The following DR1 variants were observed in gnomAD, a reference collection of about 807,000 sequenced individuals.
DR1 encodes protein Dr1.
DR1 carries 7 observed loss-of-function variants against 19.9 expected under a neutral mutation model. The ratio of observed to expected loss-of-function variants is 0.35; its 90% CI spans 0.20 to 0.66. The LOEUF (loss-of-function observed/expected upper bound fraction) is 0.66. Ranked by LOEUF, DR1 falls within the 30% of genes least tolerant of loss-of-function variation. DR1 has a pLI of 0.66. For synonymous variants in DR1, 76 were observed against 72.5 expected (o/e 1.05, Z -0.24); for missense variants, 98 against 203.7 (o/e 0.48, Z 3.16).
intron 1 of DR1, among the ~76,000 whole-genome samples, chr1:93,349,988 G>C (rs775492166): frequency 6.6e-6 from 1 of 152,166 alleles, no homozygotes; most frequent in Non-Finnish European, 1.5e-5. Context: ...ACCAGTCTCT[G>C]TTGGAAAGTG....
At chr1:93,356,087 CCTGT>C (rs1666977117) in intron 2 of DR1, among the ~76,000 whole-genome samples, 1 of 152,052 alleles carries the variant, frequency 6.6e-6, no homozygotes, top group Admixed American at 6.5e-5. Context: ...TGCCTGCTTA[CCTGT>C]CTTTCACACC....
Position 93,346,783 on chromosome 1 carries a change from C to T in DR1, c.138C>T (p.Phe46=), listed in dbSNP as rs999085956. ...TGGTGGTGAACTGCTGCACTGAATT[C>T]ATTCACCTTATATCTTCTGAAGCCA... ...RELVVNCCTE[F]IHLISSEANE... Residue 46 remains phenylalanine, a synonymous_variant, in exon 1 of 3, where the codon TTC becomes TTT. Transcript: ENST00000370272. 1.9e-6 allele frequency: 3 copies of T among 1,614,150 alleles called. No homozygotes were observed. The highest frequency in any genetic ancestry group is 1.7e-6 in the Non-Finnish European group (2 of 1,180,024).
rs1016080608 is a variant in DR1 at position 93,363,154 on chromosome 1, G to C, written c.*2515G>C. On this transcript the variant is annotated 3_prime_UTR_variant, in exon 3 of 3. Coordinates refer to ENST00000370272, the MANE Select transcript of DR1 (RefSeq NM_001938.3). Reference sequence around the variant, plus strand: ...TTCAGATCAAAACACAGAGCATTATGTGTACCCCAGAAGCCCTCCTCTTTC... The same window carrying C: ...TTCAGATCAAAACACAGAGCATTATCTGTACCCCAGAAGCCCTCCTCTTTC... The C allele has an allele frequency of 2.6e-5, 4 of 152,022 alleles. No homozygotes were observed. The highest frequency in any genetic ancestry group is 9.7e-5 in the African/African-American group (4 of 41,392). 9.4% of individuals were successfully genotyped at this position (152,022 alleles called of 1,614,324 possible).
chr1:93,363,330 C>T lies in DR1; in HGVS notation c.*2691C>T. ...ATCATTTTTGTGAATATTTTAGTTT[C>T]TTGTTGCCACTGTAACAAACTACCA... On this transcript the variant is annotated 3_prime_UTR_variant, in exon 3 of 3. Transcript: ENST00000370272. 1 of 152,168 alleles carries T rather than the reference C, an allele frequency of 6.6e-6. No individual in the cohort carries two copies. The highest frequency in any genetic ancestry group is 1.5e-5 in the Non-Finnish European group (1 of 68,012). 9.4% of individuals were successfully genotyped at this position (152,168 alleles called of 1,614,324 possible).
intron 1 of DR1, among the ~76,000 whole-genome samples, chr1:93,349,531 A>G (rs1292308793): frequency 6.6e-6 from 1 of 152,134 alleles, no homozygotes; most frequent in African/African-American, 2.4e-5. Context: ...TTATTTGTGT[A>G]CAAATAATAC....
At position 93,348,207 on chromosome 1, in the gene DR1, GT is replaced by G. The variant is rs535452331; in HGVS notation, c.220+1354del. Among the ~76,000 whole-genome samples the G allele has an allele frequency of 9.6e-4, 141 of 146,134 alleles. 2 individuals are homozygous for G. In the East Asian group the frequency reaches 0.012, roughly 12 times the overall value. ...TATTTGATTCTTAAAACTAGTACTA[GT>G]TTTTTTTTTTTCTACTTGTTTGGTG... On this transcript the variant is annotated intron_variant, in intron 1 of 2. Transcript: ENST00000370272.
Position 93,346,502 on chromosome 1 carries a change from T to C in DR1, c.-144T>C, listed in dbSNP as rs1666841399. The C allele has an allele frequency of 7.8e-6, 5 of 642,602 alleles. No individual in the cohort carries two copies. Among genetic ancestry groups the C allele is most frequent in the Non-Finnish European group, 1.4e-5 (5 of 368,764 alleles). 39.8% of individuals were successfully genotyped at this position (642,602 alleles called of 1,614,324 possible). A position where few individuals can be genotyped will look rare whatever the true frequency, so the allele number is the denominator to read the frequency against. On this transcript the variant is annotated 5_prime_UTR_variant, in exon 1 of 3. Transcript: ENST00000370272. ...TGTTCCCAGCCCTCAAGCCAGCTGC[T>C]CCTCCGTTCATTTTCTGCACCCTCT...
chr1:93,349,641 G>A (rs1312044617), intron 1 of DR1, among the ~76,000 whole-genome samples: 1 of 152,080 alleles, frequency 6.6e-6, no homozygotes, highest in East Asian at 1.9e-4. Flanking sequence ...GTAACTGAAA[G>A]TAGTAAAAGT....
rs1667093771 is a variant in DR1, at chr1:93,364,426, T to G, written c.*3787T>G. 1 of 152,232 alleles carries G rather than the reference T, an allele frequency of 6.6e-6. No individual in the cohort carries two copies. Among genetic ancestry groups the G allele is most frequent in the South Asian group, 2.1e-4 (1 of 4,830 alleles). 9.4% of individuals were successfully genotyped at this position (152,232 alleles called of 1,614,324 possible). On this transcript the variant is annotated 3_prime_UTR_variant, in exon 3 of 3. Transcript: ENST00000370272. ...GTTATAACCTCATTAAAATGCATGA[T>G]ATTTCCTTATATAGGTTTCTAAATT...
intron 1 of DR1, among the ~76,000 whole-genome samples, chr1:93,348,207 GTT>G (rs535452331): frequency 6.8e-6 from 1 of 146,112 alleles, no homozygotes; most frequent in Non-Finnish European, 1.5e-5. Context: ...ACTAGTACTA[GTT>G]TTTTTTTTTT....
intron 1 of DR1, among the ~76,000 whole-genome samples, chr1:93,350,416 T>C (rs578058450): frequency 2.4e-4 from 36 of 152,290 alleles, no homozygotes; most frequent in African/African-American, 8.4e-4. Context: ...AGTTGCTTCC[T>C]TCCCACAAAC....
intron 2 of DR1, among the ~76,000 whole-genome samples, chr1:93,359,060 A>G (rs1016306262): frequency 1.3e-5 from 2 of 152,218 alleles, no homozygotes; most frequent in African/African-American, 2.4e-5. Flanking sequence ...AAAAAAGACT[A>G]TAGAGAGGTT....
intron 2 of DR1, among the ~76,000 whole-genome samples, chr1:93,356,928 G>T (rs776068472): frequency 6.6e-6 from 1 of 152,018 alleles, no homozygotes; most frequent in African/African-American, 2.4e-5. Flanking sequence ...CATCCTGCTG[G>T]CCAGGCTAGT....
At position 93,361,305 on chromosome 1, in the gene DR1, T is replaced by C. The variant is rs1203441262; in HGVS notation, c.*666T>C. 3 of 152,614 alleles carry C rather than the reference T, an allele frequency of 2.0e-5. No individual in the cohort carries two copies. The highest frequency in any genetic ancestry group is 4.4e-5 in the Non-Finnish European group (3 of 67,998). The allele number at this position is 152,614 out of a possible 1,614,324, so 9.5% of individuals were successfully genotyped here. A position where few individuals can be genotyped will look rare whatever the true frequency, so the allele number is the denominator to read the frequency against. On this transcript the variant is annotated 3_prime_UTR_variant, in exon 3 of 3. Coordinates refer to ENST00000370272, the MANE Select transcript of DR1 (RefSeq NM_001938.3). ...GTAGAGGTAAAAACTATAGTTTTAT[T>C]ACAGCATAATTCATTTTGAGCTCCA...
intron 1 of DR1, among the ~76,000 whole-genome samples, chr1:93,353,041 C>T (rs922481847): frequency 6.6e-6 from 1 of 151,874 alleles, no homozygotes; most frequent in Non-Finnish European, 1.5e-5. Context: ...ACCATAGGCA[C>T]GACCCATCAC....
Position 93,345,982 on chromosome 1 carries a change from T to G in DR1, c.-664T>G, listed in dbSNP as rs868104414. On this transcript the variant is annotated 5_prime_UTR_variant, in exon 1 of 3. Transcript: ENST00000370272. ...GGACCACCGTTGCCGCGTCTTCGGC[T>G]TCCACGATCTGCGTTCGGGCTACGC... 6.5e-6 allele frequency: 1 copy of G among 154,508 alleles called. No individual in the cohort carries two copies. The highest frequency in any genetic ancestry group is 1.4e-5 in the Non-Finnish European group (1 of 69,060). 9.6% of individuals were successfully genotyped at this position (154,508 alleles called of 1,614,324 possible).
chr1:93,360,728 A>T lies in DR1; in HGVS notation c.*89A>T. 6.9e-7 allele frequency: 1 copy of T among 1,445,008 alleles called. No homozygotes were observed. Among genetic ancestry groups the T allele is most frequent in the Non-Finnish European group, 9.3e-7 (1 of 1,073,320 alleles). 89.5% of individuals were successfully genotyped at this position (1,445,008 alleles called of 1,614,324 possible). A position where few individuals can be genotyped will look rare whatever the true frequency, so the allele number is the denominator to read the frequency against. Reference sequence around the variant, plus strand: ...AAGAAATGCTTATCTGTAATTTTGTATGCATCTTGGTGGACTTGTCATTGG... The same window carrying T: ...AAGAAATGCTTATCTGTAATTTTGTTTGCATCTTGGTGGACTTGTCATTGG... On this transcript the variant is annotated 3_prime_UTR_variant, in exon 3 of 3. Coordinates refer to ENST00000370272, the MANE Select transcript of DR1 (RefSeq NM_001938.3).
chr1:93,357,879 A>G (rs1253132482), intron 2 of DR1, among the ~76,000 whole-genome samples: 1 of 152,152 alleles, frequency 6.6e-6, no homozygotes, highest in Non-Finnish European at 1.5e-5. Flanking sequence ...TGTAAGACAT[A>G]TGTGGTACTA....
rs749072694 is a variant in DR1, at chr1:93,369,154, A to G, written c.*8515A>G. The G allele has an allele frequency of 3.9e-5, 6 of 152,174 alleles. No individual in the cohort carries two copies. Among genetic ancestry groups the G allele is most frequent in the Non-Finnish European group, 5.9e-5 (4 of 68,012 alleles). 9.4% of individuals were successfully genotyped at this position (152,174 alleles called of 1,614,324 possible). On this transcript the variant is annotated 3_prime_UTR_variant, in exon 3 of 3. Coordinates refer to ENST00000370272, the MANE Select transcript of DR1 (RefSeq NM_001938.3). ...GATACCAAGGGATGACTGTAATATA[A>G]TAACATCTAACAAGTGAAGGATTTG...
Sources: allele counts gnomAD v4.1 joint callset (sites outside exome capture counted in the v4.1 genomes callset), GRCh38; gene constraint gnomAD v4.1.1; transcripts MANE v1.5; gene names NCBI Gene and HGNC (gene_info 2026-07-23, HGNC 2026-07-21).